DGKG: variants seen among roughly 807,000 people sequenced by gnomAD.
DGKG encodes the protein DAG kinase gamma.
In DGKG, 78 loss-of-function variants were observed where a neutral mutation model predicts 105.3. The ratio of observed to expected loss-of-function variants is 0.74; its 90% CI spans 0.62 to 0.89. The LOEUF (loss-of-function observed/expected upper bound fraction) is 0.89, where lower values mean the gene tolerates loss of function less well. Ranked by LOEUF, DGKG falls within the 40% of genes least tolerant of loss-of-function variation. The probability of loss-of-function intolerance (pLI) is 0.00; values close to 1 mark genes in which losing one functional copy is unlikely to be tolerated. For missense variants in DGKG, 958 were observed against 1,020.1 expected, an observed-to-expected ratio of 0.94 and a Z score of 0.83; for synonymous variants, 346 against 367.1, an observed-to-expected ratio of 0.94 and a Z score of 0.66.
At chr3:186,207,951 G>A (rs150821218) in intron 21 of DGKG, among the ~76,000 whole-genome samples, 144 of 152,362 alleles carry the variant, frequency 9.5e-4, no homozygotes, top group African/African-American at 3.2e-3. Context: ...TCGTTTCAGA[G>A]ATGAGACCAA....
At chr3:186,222,483 T>C (rs1719633106) in intron 20 of DGKG, among the ~76,000 whole-genome samples, 1 of 152,176 alleles carries the variant, frequency 6.6e-6, no homozygotes, top group South Asian at 2.1e-4. Context: ...GTCTCTTAGT[T>C]TCTCTATTTT....
intron 7 of DGKG, 118 bp from the exon 8 acceptor site, chr3:186,280,862 C>G (rs1287211708): frequency 1.3e-6 from 1 of 767,316 alleles, no homozygotes; most frequent in Non-Finnish European, 2.2e-6. Context: ...AGAGAAGAAG[C>G]TGGTGCAGTA....
chr3:186,158,729 G>C lies in DGKG; in HGVS notation c.2277+2874C>G, dbSNP rs771070220. 1.2e-5 allele frequency: 12 copies of C among 971,388 alleles called. No individual in the cohort carries two copies. In the African/African-American group the frequency reaches 2.1e-4, roughly 17 times the overall value. 60.2% of individuals were successfully genotyped at this position (971,388 alleles called of 1,614,324 possible). On this transcript the variant is annotated intron_variant, in intron 24 of 24. Transcript: ENST00000265022. ...AATATTTTCAAGCTTCTCAATATCT[G>C]TCTGTCAATTCTATATCAACCTTTT...
At chr3:186,286,421 G>A (rs1388894409) in intron 6 of DGKG, among the ~76,000 whole-genome samples, 1 of 152,186 alleles carries the variant, frequency 6.6e-6, no homozygotes, top group Non-Finnish European at 1.5e-5. Context: ...GCCTGAGTAA[G>A]CATCCTTATT....
chr3:186,206,752 G>GTTT (rs201233068), intron 21 of DGKG, among the ~76,000 whole-genome samples: 2 of 150,742 alleles, frequency 1.3e-5, no homozygotes, highest in African/African-American at 5.0e-5. Context: ...CTTCTTTTTT[G>GTTT]TTTTTTTGTT....
At chr3:186,175,664 G>T (rs1182145403) in intron 22 of DGKG, among the ~76,000 whole-genome samples, 1 of 152,162 alleles carries the variant, frequency 6.6e-6, no homozygotes, top group Non-Finnish European at 1.5e-5. Flanking sequence ...TGATCTGGTG[G>T]TCCCGGTGAG....
chr3:186,279,786 T>C, intron 9 of DGKG, 65 bp downstream of exon 9: 3 of 1,583,602 alleles, frequency 1.9e-6, no homozygotes, highest in African/African-American at 1.3e-5. Context: ...GATATGTTGA[T>C]ATTAACATGA....
At position 186,148,611 on chromosome 3, in the gene DGKG, T is replaced by C. The variant is rs1361578918; in HGVS notation, c.*1479A>G. ...GGGTTCTTTTCTCCATTAAATATCT[T>C]TGTAACGGCACCTACTCTCAAGCTG... On this transcript the variant is annotated 3_prime_UTR_variant, in exon 25 of 25. Transcript: ENST00000265022. 1.0e-6 allele frequency: 1 copy of C among 985,274 alleles called. No individual in the cohort carries two copies. Among genetic ancestry groups the C allele is most frequent in the Admixed American group, 6.2e-5 (1 of 16,258 alleles). 61.0% of individuals were successfully genotyped at this position (985,274 alleles called of 1,614,324 possible).
chr3:186,161,218 C>CTG, intron 24 of DGKG: 1 of 996,180 alleles, frequency 1.0e-6, no homozygotes. Context: ...CGTAAGGAAG[C>CTG]AATTTGACTT....
chr3:186,179,126 C>T (rs910802919), intron 22 of DGKG, among the ~76,000 whole-genome samples: 1 of 152,188 alleles, frequency 6.6e-6, no homozygotes, highest in African/African-American at 2.4e-5. Flanking sequence ...AAGGCCAAGG[C>T]TCCTGGTTCA....
chr3:186,351,322 T>C (rs1287930127), intron 1 of DGKG, among the ~76,000 whole-genome samples: 2 of 152,272 alleles, frequency 1.3e-5, no homozygotes, highest in Middle Eastern at 3.4e-3. Context: ...AAGGTAAGAG[T>C]TAAATGTGTA....
At chr3:186,310,265 C>CA (rs1165723037) in intron 2 of DGKG, among the ~76,000 whole-genome samples, 619 of 32,848 alleles carry the variant, frequency 0.019, 22 homozygotes, top group East Asian at 0.042. Flanking sequence ...GACTCCGTCT[C>CA]AAAAAAAAAA....
At chr3:186,192,274 G>GACC (rs1264882209) in intron 21 of DGKG, among the ~76,000 whole-genome samples, 5 of 152,186 alleles carry the variant, frequency 3.3e-5, no homozygotes, top group African/African-American at 1.2e-4. Context: ...CTCCGGAAGT[G>GACC]CTGGGATCAC....
chr3:186,329,692 C>T (rs894120484), intron 1 of DGKG, among the ~76,000 whole-genome samples: 3 of 152,220 alleles, frequency 2.0e-5, no homozygotes, highest in Non-Finnish European at 4.4e-5. Flanking sequence ...ACAAGTGCCC[C>T]ATCTCTGGCT....
chr3:186,289,015 A>G, intron 5 of DGKG, 135 bp from the exon 6 acceptor site: 1 of 804,194 alleles, frequency 1.2e-6, no homozygotes, highest in Non-Finnish European at 1.9e-6. Flanking sequence ...GGTTACATAG[A>G]TGTGACCAAA....
chr3:186,266,756 C>T (rs952355847), intron 13 of DGKG, among the ~76,000 whole-genome samples: 4 of 152,098 alleles, frequency 2.6e-5, no homozygotes, highest in African/African-American at 9.7e-5. Flanking sequence ...CACTACCACG[C>T]CTGGCTAATT....
chr3:186,318,905 G>A (rs929864810), intron 2 of DGKG, among the ~76,000 whole-genome samples: 10 of 152,204 alleles, frequency 6.6e-5, no homozygotes, highest in African/African-American at 2.2e-4. Flanking sequence ...TCGTTTCCAC[G>A]CTTAGTTTAT....
At position 186,150,162 on chromosome 3, in the gene DGKG, C is replaced by T. The variant is rs765609936; in HGVS notation, c.2304G>A (p.Ala768=). 2.3e-5 allele frequency: 37 copies of T among 1,613,044 alleles called. No homozygotes were observed. Among genetic ancestry groups the T allele is most frequent in the East Asian group, 1.1e-4 (5 of 44,862 alleles). The part of the protein sequence containing the change: ...CTIKITHKNQ[A]PMMMGPPQKS... ...TCTGGGGAGGCCCCATCATCATGGG[C>T]GCTTGGTTCTTGTGAGTAATTTTAA... The change falls in exon 25 of 25, where the codon GCG becomes GCA. Residue 768 remains alanine (A), a synonymous_variant. Transcript: ENST00000265022.
At chr3:186,288,435 A>G (rs1033674736) in intron 6 of DGKG, among the ~76,000 whole-genome samples, 3 of 152,234 alleles carry the variant, frequency 2.0e-5, no homozygotes, top group Non-Finnish European at 4.4e-5. Flanking sequence ...AGTCTTGACC[A>G]CTTGATGGGA....
Sources: gnomAD v4.1 joint callset for allele counts (sites outside exome capture counted in the v4.1 genomes callset) on GRCh38, gnomAD v4.1.1 for gene constraint, MANE v1.5 for transcripts, NCBI Gene and HGNC (gene_info 2026-07-23, HGNC 2026-07-21) for gene names.